URGCP: variants seen among roughly 807,000 people sequenced by gnomAD.
The protein encoded by URGCP is up-regulator of cell proliferation.
URGCP carries 13 observed loss-of-function variants against 24.6 expected under a neutral mutation model. The observed-to-expected ratio is 0.53, with a 90% CI of 0.34 to 0.84. The LOEUF (loss-of-function observed/expected upper bound fraction) is 0.84. URGCP is among the 40% of genes least tolerant of loss of function. The pLI, the probability that URGCP is intolerant of heterozygous loss-of-function variation, is 0.01. For synonymous variants in URGCP, 444 were observed against 487.2 expected, an observed-to-expected ratio of 0.91 and a Z score of 1.17; for missense variants, 899 against 1,194.3, an observed-to-expected ratio of 0.75 and a Z score of 3.64.
At chr7:43,883,357 TATA>T (rs1200789551) in intron 3 of URGCP, among the ~76,000 whole-genome samples, 45 of 100,956 alleles carry the variant, frequency 4.5e-4, no homozygotes, top group African/African-American at 2.1e-3. Context: ...TATATATATA[TATA>T]TATTTTTTTT....
upstream of URGCP, among the ~76,000 whole-genome samples, chr7:43,907,786 T>C (rs1031220201): frequency 6.6e-6 from 1 of 152,238 alleles, no homozygotes; most frequent in African/African-American, 2.4e-5. Context: ...TTTTTAAATG[T>C]TAGTAAACAT....
intron 1 of URGCP, among the ~76,000 whole-genome samples, chr7:43,922,118 G>A (rs191017192): frequency 2.0e-5 from 3 of 152,302 alleles, no homozygotes; most frequent in Admixed American, 2.0e-4. Flanking sequence ...AGGCTGGAGT[G>A]CAGTGGCGCG....
chr7:43,877,958 C>T lies in URGCP; in HGVS notation c.1505G>A (p.Arg502Lys). The T allele has an allele frequency of 6.2e-7, 1 of 1,614,208 alleles. No homozygotes were observed. The highest frequency in any genetic ancestry group is 8.5e-7 in the Non-Finnish European group (1 of 1,180,044). The change falls in exon 6 of 6, where the codon AGA becomes AAA. Residue 502 changes from arginine (R) to lysine (K), a missense_variant. Physicochemically the swap from Arg to Lys is conservative, Grantham distance 26 (BLOSUM62 2). Transcript: ENST00000453200. Reference sequence around the variant, plus strand: ...CTCCTTCTCCACTTGGGCTGCCTTTCTCCAGGGGTCCCCCTGCAGCCTCAG... The same window carrying T: ...CTCCTTCTCCACTTGGGCTGCCTTTTTCCAGGGGTCCCCCTGCAGCCTCAG... ...DELRLQGDPW[R>K]KAAQVEKEFC...
intron 5 of URGCP, among the ~76,000 whole-genome samples, chr7:43,880,184 A>G (rs2095851687): frequency 6.6e-6 from 1 of 152,120 alleles, no homozygotes; most frequent in African/African-American, 2.4e-5. Flanking sequence ...AGCCCTCTCA[A>G]AGTGCTGGGA....
exon 1 of URGCP, chr7:43,926,208 C>A (rs1377650057): frequency 1.1e-3 from 197 of 176,958 alleles, no homozygotes; most frequent in Non-Finnish European, 1.2e-4. Flanking sequence ...AGGGAGCAGG[C>A]GAGCGTGTGG....
intron 1 of URGCP, chr7:43,905,618 C>T (rs1258501716): frequency 6.6e-6 from 1 of 152,158 alleles, no homozygotes; most frequent in Non-Finnish European, 1.5e-5. Flanking sequence ...ACTGAACACA[C>T]ACCTGTAAAG....
chr7:43,919,966 C>A (rs2095920294), intron 1 of URGCP: 3 of 1,351,206 alleles, frequency 2.2e-6, no homozygotes, highest in Non-Finnish European at 3.2e-6. Flanking sequence ...GAGATGGACA[C>A]AACACATCTA....
chr7:43,890,876 T>TG (rs1234861096), intron 1 of URGCP, among the ~76,000 whole-genome samples: 1 of 152,280 alleles, frequency 6.6e-6, no homozygotes, highest in Non-Finnish European at 1.5e-5. Context: ...GGTCTGCTGA[T>TG]GGCCCATTGC....
intron 1 of URGCP, among the ~76,000 whole-genome samples, chr7:43,904,523 GCTGA>G (rs563651079): frequency 3.8e-4 from 58 of 152,248 alleles, no homozygotes; most frequent in South Asian, 3.7e-3. Context: ...TTGCTAGCTG[GCTGA>G]CTGAGATAGC....
At chr7:43,885,438 A>G (rs1211903787) in intron 3 of URGCP, among the ~76,000 whole-genome samples, 1 of 152,134 alleles carries the variant, frequency 6.6e-6, no homozygotes, top group Non-Finnish European at 1.5e-5. Context: ...TTTTAATCCT[A>G]TAGGCTTAAA....
chr7:43,906,715 A>T, upstream of URGCP: 1 of 653,650 alleles, frequency 1.5e-6, no homozygotes, highest in African/African-American at 2.6e-5. Context: ...GAGGTGGGGT[A>T]AGGTGGGCCC....
intron 1 of URGCP, among the ~76,000 whole-genome samples, chr7:43,902,712 T>G (rs1440051330): frequency 6.6e-6 from 1 of 152,256 alleles, no homozygotes; most frequent in African/African-American, 2.4e-5. Flanking sequence ...TTTTCATGTA[T>G]GATGTCATCA....
chr7:43,926,491 C>G (rs1740737547), upstream of URGCP: 1 of 1,472,070 alleles, frequency 6.8e-7, no homozygotes, highest in Non-Finnish European at 9.0e-7. Flanking sequence ...CCGCCTCAGG[C>G]AGCCCCGGCC....
At chr7:43,921,962 G>C (rs1485540901) in intron 1 of URGCP, among the ~76,000 whole-genome samples, 2 of 151,780 alleles carry the variant, frequency 1.3e-5, no homozygotes, top group Non-Finnish European at 2.9e-5. Flanking sequence ...GCACGATCTT[G>C]GCTCACTGCA....
intron 1 of URGCP, among the ~76,000 whole-genome samples, chr7:43,915,657 T>TC (rs2095914699): frequency 6.6e-6 from 1 of 152,234 alleles, no homozygotes; most frequent in African/African-American, 2.4e-5. Context: ...CATGGAGTCT[T>TC]CCCCTCCTCC....
chr7:43,923,879 AT>A lies in URGCP; in HGVS notation c.-116+2252del, dbSNP rs113377627. Among the ~76,000 whole-genome samples, 686 of 149,648 alleles carry A rather than the reference AT, an allele frequency of 4.6e-3. 6 individuals are homozygous for A. The highest frequency in any genetic ancestry group is 0.016 in the African/African-American group (637 of 40,906). ...TAAAAATCTTTTGTGTATTATTATT[AT>A]TTTTTTTTTGAGACACAGTCTCGCT... On this transcript the variant is annotated intron_variant, in intron 1 of 5. Coordinates refer to the URGCP transcript ENST00000426198.
chr7:43,918,899 C>T, intron 1 of URGCP: 1 of 1,406,106 alleles, frequency 7.1e-7, no homozygotes. Flanking sequence ...TGCTGCTGGA[C>T]CTGGAGCCCC....
At position 43,898,746 on chromosome 7, in the gene URGCP, AAAATAAATAAATAAATAAAT is replaced by A. The variant is rs71563928; in HGVS notation, c.14+7796_14+7815del. 6.5e-3 allele frequency among the ~76,000 whole-genome samples: 942 copies of A among 143,930 alleles called. 4 individuals carry two copies. The highest frequency in any genetic ancestry group is 0.017 in the Middle Eastern group (5 of 290). 94.4% of individuals were successfully genotyped at this position (143,930 alleles called of 152,430 possible). ...GACAGAGCAAGAAGACCCTGTCTCA[AAAATAAATAAATAAATAAAT>A]AAATAAATAAATAAATAAATAAATT... On this transcript the variant is annotated intron_variant, in intron 1 of 5. Transcript: ENST00000453200.
intron 1 of URGCP, chr7:43,889,482 G>A (rs1370332486): frequency 6.6e-6 from 1 of 152,166 alleles, no homozygotes; most frequent in Non-Finnish European, 1.5e-5. Flanking sequence ...CACTTCCAAC[G>A]GCCCTACTCA....
Sources: gnomAD v4.1 joint callset for allele counts (sites outside exome capture counted in the v4.1 genomes callset) on GRCh38, gnomAD v4.1.1 for gene constraint, MANE v1.5 for transcripts, NCBI Gene and HGNC (gene_info 2026-07-23, HGNC 2026-07-21) for gene names.